Variants in OSBP2 observed in about 807,000 individuals in gnomAD.
OSBP2 encodes the protein oxysterol-binding protein 2.
OSBP2 carries 66 observed loss-of-function variants against 96.0 expected under a neutral mutation model. That is an observed-to-expected ratio of 0.69 (90% CI 0.56 to 0.84). The LOEUF is 0.84. OSBP2 is among the 40% of genes least tolerant of loss of function. The pLI, the probability that OSBP2 is intolerant of heterozygous loss-of-function variation, is 0.00. For missense variants in OSBP2, 1,038 were observed against 1,222.7 expected (o/e 0.85, Z 2.25); for synonymous variants, 525 against 520.9 (o/e 1.01, Z -0.11).
chr22:30,695,688 A>G (rs184048908), intron 1 of OSBP2, 135 bp downstream of exon 1: 2 of 1,461,652 alleles, frequency 1.4e-6, no homozygotes, highest in East Asian at 4.6e-5. Flanking sequence ...CAGCAGGCCA[A>G]GTCACGCTTC....
chr22:30,813,148 C>T (rs136243), intron 2 of OSBP2, among the ~76,000 whole-genome samples: 73,264 of 146,706 alleles, frequency 0.5, 19,329 homozygotes, highest in African/African-American at 0.68. Flanking sequence ...AAAATGGAGC[C>T]TGGAGGCTTA....
chr22:30,767,390 C>A (rs2090289411), intron 2 of OSBP2, among the ~76,000 whole-genome samples: 1 of 152,032 alleles, frequency 6.6e-6, no homozygotes, highest in Non-Finnish European at 1.5e-5. Flanking sequence ...TACCTGTCAC[C>A]CAGATGCCAC....
At position 30,893,574 on chromosome 22, in the gene OSBP2, G is replaced by C. The variant is rs771170714; in HGVS notation, c.2094+8G>C. ...AAGCTCTGGATCGACCAGGTCAGGG[G>C]CGCCCTTGGGGAGGGGGTGCATGGC... is the stretch of plus-strand genomic sequence containing the variant. On this transcript the variant is annotated splice_region_variant and intron_variant, in intron 10 of 13. Transcript: ENST00000332585. 2.1e-5 allele frequency: 34 copies of C among 1,613,672 alleles called. No individual in the cohort carries two copies. In the Admixed American group the frequency reaches 5.5e-4, roughly 26 times the overall value.
intron 2 of OSBP2, among the ~76,000 whole-genome samples, chr22:30,831,801 A>G (rs1452064078): frequency 6.6e-6 from 1 of 152,122 alleles, no homozygotes; most frequent in Non-Finnish European, 1.5e-5. Context: ...GGCATGGGTG[A>G]GAGTCTGATG....
rs1009835127 is a variant in OSBP2, at chr22:30,820,591, T to C, written c.854-49838T>C. On this transcript the variant is annotated intron_variant, in intron 2 of 13. Coordinates refer to ENST00000332585, the MANE Select transcript of OSBP2 (RefSeq NM_030758.4). ...AGGCCAGTTCCAAGCCTGGTGACCC[T>C]GGGCAAGTCACTTGACCTCAGAGCC... Among the ~76,000 whole-genome samples, 26 of 152,236 alleles carry C rather than the reference T, an allele frequency of 1.7e-4. 4 individuals are homozygous for C. Among genetic ancestry groups the C allele is most frequent in the Admixed American group, 1.5e-3 (23 of 15,284 alleles).
chr22:30,783,200 C>T (rs2090543516), intron 2 of OSBP2, among the ~76,000 whole-genome samples: 1 of 149,588 alleles, frequency 6.7e-6, no homozygotes, highest in Admixed American at 6.7e-5. Context: ...GTGAAGGCAG[C>T]TCACTGCAGA....
At chr22:30,703,363 G>C (rs951526921) in intron 1 of OSBP2, among the ~76,000 whole-genome samples, 11 of 152,010 alleles carry the variant, frequency 7.2e-5, no homozygotes, top group Admixed American at 7.2e-4. Flanking sequence ...TAGTAGAGAT[G>C]GGGTTTCACC....
At chr22:30,768,445 G>A (rs781768937) in intron 2 of OSBP2, among the ~76,000 whole-genome samples, 19 of 152,140 alleles carry the variant, frequency 1.2e-4, no homozygotes, top group Non-Finnish European at 2.1e-4. Flanking sequence ...GGGAGGCCGA[G>A]GCGGGCAGAT....
At chr22:30,875,754 G>A (rs1029319506) in intron 3 of OSBP2, among the ~76,000 whole-genome samples, 2 of 152,208 alleles carry the variant, frequency 1.3e-5, no homozygotes, top group African/African-American at 4.8e-5. Flanking sequence ...ATCTGAGTAA[G>A]TCAGCAGCCC....
chr22:30,822,565 G>A, intron 2 of OSBP2: 1 of 1,469,908 alleles, frequency 6.8e-7, no homozygotes, highest in Non-Finnish European at 9.1e-7. Flanking sequence ...GCACGCGTCC[G>A]TGCAAGCCCC....
intron 2 of OSBP2, among the ~76,000 whole-genome samples, chr22:30,743,541 G>C (rs1482477846): frequency 6.6e-6 from 1 of 152,134 alleles, no homozygotes; most frequent in East Asian, 1.9e-4. Context: ...AGGACCTGTG[G>C]TCTCAGTTTG....
intron 2 of OSBP2, among the ~76,000 whole-genome samples, chr22:30,767,671 A>G (rs1441721914): frequency 6.6e-6 from 1 of 152,120 alleles, no homozygotes. Flanking sequence ...CAGGAAGTAG[A>G]AAAGGGAATG....
At chr22:30,767,118 T>C (rs1245969724) in intron 2 of OSBP2, among the ~76,000 whole-genome samples, 3 of 98,294 alleles carry the variant, frequency 3.1e-5, no homozygotes, top group African/African-American at 1.3e-4. Context: ...CACGGTGAAA[T>C]CCCATCTCTA....
intron 2 of OSBP2, among the ~76,000 whole-genome samples, chr22:30,784,040 G>A (rs1054443492): frequency 6.6e-6 from 1 of 152,130 alleles, no homozygotes; most frequent in Non-Finnish European, 1.5e-5. Flanking sequence ...ATTGACGTAG[G>A]TTTCTATGGT....
chr22:30,901,565 GA>G (rs2040195274), intron 12 of OSBP2, among the ~76,000 whole-genome samples: 1 of 152,056 alleles, frequency 6.6e-6, no homozygotes, highest in Admixed American at 6.6e-5. Context: ...CAACACTCGG[GA>G]AAACAGTTTG....
chr22:30,716,669 C>T (rs1370507419), intron 1 of OSBP2, among the ~76,000 whole-genome samples: 1 of 152,136 alleles, frequency 6.6e-6, no homozygotes, highest in Admixed American at 6.6e-5. Flanking sequence ...AACTCCTGAC[C>T]TCAAGTGATC....
At chr22:30,823,139 G>GGT (rs141515990) in intron 2 of OSBP2, among the ~76,000 whole-genome samples, 2,052 of 152,314 alleles carry the variant, frequency 0.013, 25 homozygotes, top group Middle Eastern at 0.048. Flanking sequence ...GGCCACCAGT[G>GGT]GTGTCGGCTT....
intron 2 of OSBP2, among the ~76,000 whole-genome samples, chr22:30,830,644 C>T (rs1010154178): frequency 6.6e-6 from 1 of 152,252 alleles, no homozygotes; most frequent in Non-Finnish European, 1.5e-5. Flanking sequence ...CCACTCCTCA[C>T]CTGTCCCCCA....
chr22:30,906,070 G>A lies in OSBP2; in HGVS notation c.2608+1G>A. ...GGCAGCAGCTGCAGCTCGGAGGAAG[G>A]TGAGGCCGGGCGGGAAGGGCGCCCC... On this transcript the variant is annotated splice_donor_variant, in intron 13 of 13. Coordinates refer to ENST00000332585, the MANE Select transcript of OSBP2 (RefSeq NM_030758.4). LOFTEE classifies it high-confidence loss of function. 1 of 1,568,982 alleles carries A rather than the reference G, an allele frequency of 6.4e-7. No individual in the cohort carries two copies. Among genetic ancestry groups the A allele is most frequent in the South Asian group, 1.2e-5 (1 of 86,124 alleles).
Sources: gnomAD v4.1 joint callset for allele counts (sites outside exome capture counted in the v4.1 genomes callset) on GRCh38, gnomAD v4.1.1 for gene constraint, MANE v1.5 for transcripts, NCBI Gene and HGNC (gene_info 2026-07-23, HGNC 2026-07-21) for gene names.